The following ART3 variants were observed in gnomAD, a reference collection of about 807,000 sequenced individuals.
ART3 encodes ecto-ADP-ribosyltransferase 3.
ART3 carries 49 observed loss-of-function variants against 48.5 expected under a neutral mutation model. The observed-to-expected ratio is 1.01, with a 90% CI of 0.80 to 1.28. The LOEUF (loss-of-function observed/expected upper bound fraction) is 1.28. ART3 is among the 50% of genes most tolerant of loss of function. ART3 has a pLI of 0.00. For missense variants in ART3, 438 were observed against 454.3 expected (o/e 0.96, Z 0.33); for synonymous variants, 145 against 157.2 (o/e 0.92, Z 0.58).
intron 2 of ART3, among the ~76,000 whole-genome samples, chr4:76,078,798 C>T (rs541440810): frequency 2.0e-5 from 3 of 152,056 alleles, no homozygotes; most frequent in Admixed American, 2.0e-4. Flanking sequence ...GAGGACAAGA[C>T]GGCCGGGCAC....
intron 3 of ART3, among the ~76,000 whole-genome samples, chr4:76,082,924 T>C (rs1722789918): frequency 6.6e-6 from 1 of 150,396 alleles, no homozygotes; most frequent in Non-Finnish European, 1.5e-5. Context: ...AAGAATTATA[T>C]GGCCCAAAAT....
intron 3 of ART3, among the ~76,000 whole-genome samples, chr4:76,093,722 G>A (rs1251522820): frequency 1.3e-5 from 2 of 152,176 alleles, no homozygotes; most frequent in Non-Finnish European, 2.9e-5. Flanking sequence ...AGTATGTCAA[G>A]TTTGCTAATC....
intron 3 of ART3, among the ~76,000 whole-genome samples, chr4:76,088,601 T>C (rs550030891): frequency 6.6e-6 from 1 of 152,324 alleles, no homozygotes; most frequent in East Asian, 1.9e-4. Flanking sequence ...TTGGTTCTGA[T>C]TGGCACCTTT....
chr4:76,041,838 G>A (rs1174861290), intron 1 of ART3, among the ~76,000 whole-genome samples: 1 of 152,160 alleles, frequency 6.6e-6, no homozygotes, highest in Non-Finnish European at 1.5e-5. Flanking sequence ...GGTTGGAGAG[G>A]CAGATAGATA....
intron 1 of ART3, chr4:76,034,882 A>C (rs1328451206): frequency 2.1e-6 from 3 of 1,450,242 alleles, no homozygotes; most frequent in South Asian, 1.2e-5. Flanking sequence ...ACATCTAAAA[A>C]CATGTAGTAA....
At position 76,040,760 on chromosome 4, in the gene ART3, G is replaced by A. The variant is rs543657544; in HGVS notation, c.-10+29440G>A. On this transcript the variant is annotated intron_variant, in intron 1 of 9. Transcript: ENST00000341029. Reference sequence around the variant, plus strand: ...AATCACAGTTTGAAAACTGAGGGAGGTTTATTTAGTTCTTCACTTCTTCAG... The same window carrying A: ...AATCACAGTTTGAAAACTGAGGGAGATTTATTTAGTTCTTCACTTCTTCAG... 1.6e-4 allele frequency among the ~76,000 whole-genome samples: 25 copies of A among 152,248 alleles called. No homozygotes were observed. The South Asian group carries it at 4.6e-3, about 28-fold the overall frequency.
In ART3 at chr4:76,034,811, A is replaced by G. The variant is rs779814819; in HGVS notation, c.-10+23491A>G. ...GATATTTTTAAAAATTCTTTCTTTC[A>G]ACTTTCTGGAATAAGAAAACAAGAG... On this transcript the variant is annotated intron_variant, in intron 1 of 9. Transcript: ENST00000341029. 3.9e-6 allele frequency: 6 copies of G among 1,554,420 alleles called. No individual in the cohort carries two copies. The South Asian group carries it at 6.8e-5, about 18-fold the overall frequency.
At chr4:76,110,906 C>A (rs1002932664) in intron 11 of ART3, among the ~76,000 whole-genome samples, 2 of 151,950 alleles carry the variant, frequency 1.3e-5, no homozygotes, top group African/African-American at 4.8e-5. Context: ...CTATTTTTAT[C>A]ATTTACTACC....
At chr4:76,102,154 A>G (rs1390302710) in intron 8 of ART3, among the ~76,000 whole-genome samples, 1 of 152,256 alleles carries the variant, frequency 6.6e-6, no homozygotes, top group African/African-American at 2.4e-5. Flanking sequence ...GAAGCAAAGA[A>G]CAGAGTATAT....
In ART3 at chr4:76,103,978, G is replaced by A; in HGVS notation, c.970+9G>A. On this transcript the variant is annotated intron_variant, in intron 9 of 11. Transcript: ENST00000355810. Reference sequence around the variant, plus strand: ...ACCCACCCAAATACCTGGTAAGACAGCTTTCTATTTACTCCCTGAGCCCAA... The same window carrying A: ...ACCCACCCAAATACCTGGTAAGACAACTTTCTATTTACTCCCTGAGCCCAA... 1 of 1,612,928 alleles carries A rather than the reference G, an allele frequency of 6.2e-7. No individual in the cohort carries two copies. Among genetic ancestry groups the A allele is most frequent in the Non-Finnish European group, 8.5e-7 (1 of 1,179,208 alleles).
intron 3 of ART3, among the ~76,000 whole-genome samples, chr4:76,087,220 A>G (rs1311422789): frequency 2.6e-5 from 4 of 152,158 alleles, no homozygotes; most frequent in African/African-American, 9.7e-5. Context: ...GTTCTATTGG[A>G]TTGATTCTGA....
chr4:76,112,633 T>C lies in ART3; in HGVS notation c.*114T>C, dbSNP rs1729701992. 3.2e-6 allele frequency: 4 copies of C among 1,237,380 alleles called. No homozygotes were observed. In the African/African-American group the frequency reaches 6.1e-5, roughly 19 times the overall value. 76.7% of individuals were successfully genotyped at this position (1,237,380 alleles called of 1,614,324 possible). On this transcript the variant is annotated 3_prime_UTR_variant, in exon 12 of 12. Transcript: ENST00000355810. ...TGTTGGCCAAAGTCACTGGATAAAA[T>C]GAGAATTGTATATTTGTTATTCATT...
At chr4:76,060,787 G>A (rs1719141894) in intron 1 of ART3, among the ~76,000 whole-genome samples, 1 of 152,202 alleles carries the variant, frequency 6.6e-6, no homozygotes, top group African/African-American at 2.4e-5. Context: ...TGAAGATGGA[G>A]AAAGTGGACC....
At chr4:76,077,931 T>C (rs149956608) in intron 2 of ART3, among the ~76,000 whole-genome samples, 53 of 152,360 alleles carry the variant, frequency 3.5e-4, no homozygotes, top group African/African-American at 1.2e-3. Context: ...GGTTTTGATT[T>C]GGTTTTCAAT....
intron 1 of ART3, among the ~76,000 whole-genome samples, chr4:76,053,571 A>C (rs899594799): frequency 6.6e-6 from 1 of 152,262 alleles, no homozygotes; most frequent in Non-Finnish European, 1.5e-5. Flanking sequence ...TATAATTAAC[A>C]GTCGTCAAAG....
At chr4:76,069,246 A>AATT (rs59668594) in intron 1 of ART3, among the ~76,000 whole-genome samples, 31,205 of 151,908 alleles carry the variant, frequency 0.21, 5,450 homozygotes, top group African/African-American at 0.48. Flanking sequence ...CATTACTCTA[A>AATT]AAAGAAGCCT....
chr4:76,031,018 T>C (rs1361405714), intron 1 of ART3, among the ~76,000 whole-genome samples: 1 of 152,160 alleles, frequency 6.6e-6, no homozygotes, highest in Non-Finnish European at 1.5e-5. Context: ...TATATAGTAA[T>C]ATATAATTAC....
At chr4:76,056,392 C>G (rs988209606) in intron 1 of ART3, among the ~76,000 whole-genome samples, 1 of 151,972 alleles carries the variant, frequency 6.6e-6, no homozygotes, top group Non-Finnish European at 1.5e-5. Flanking sequence ...ATGCAGAGCC[C>G]GAAACTGAGT....
At chr4:76,108,849 G>T (rs976217391) in intron 11 of ART3, among the ~76,000 whole-genome samples, 1 of 152,060 alleles carries the variant, frequency 6.6e-6, no homozygotes, top group East Asian at 1.9e-4. Flanking sequence ...TGTAGGCAGC[G>T]GTAACACAGT....
Sources: gnomAD v4.1 joint callset for allele counts (sites outside exome capture counted in the v4.1 genomes callset) on GRCh38, gnomAD v4.1.1 for gene constraint, MANE v1.5 for transcripts, NCBI Gene and HGNC (gene_info 2026-07-23, HGNC 2026-07-21) for gene names.